GRM7: variants seen among roughly 807,000 people sequenced by gnomAD.
The protein encoded by GRM7 is glutamate metabotropic receptor 7, also known as metabotropic glutamate receptor 7.
A neutral mutation model predicts 84.5 loss-of-function variants in GRM7; 35 were observed. The ratio of observed to expected loss-of-function variants is 0.41; its 90% confidence interval spans 0.32 to 0.55. The LOEUF is 0.55. Among genes scored for constraint, GRM7 ranks in the 20% least tolerant of loss-of-function variants. The pLI is 0.19. For synonymous variants in GRM7, 487 were observed against 455.1 expected (o/e 1.07, Z -0.89); for missense variants, 1,003 against 1,194.6 (o/e 0.84, Z 2.36).
At chr3:7,103,347 G>C (rs1282680656) in intron 1 of GRM7, among the ~76,000 whole-genome samples, 4 of 151,728 alleles carry the variant, frequency 2.6e-5, no homozygotes, top group African/African-American at 9.7e-5. Flanking sequence ...TAATTTGGTA[G>C]GAGTCAGATT....
At position 6,911,991 on chromosome 3, in the gene GRM7, C is replaced by T. The variant is rs117813322; in HGVS notation, c.519+50084C>T. 4.7e-4 allele frequency among the ~76,000 whole-genome samples: 72 copies of T among 152,238 alleles called. No individual in the cohort carries two copies. The East Asian group carries it at 0.013, about 27-fold the overall frequency. On this transcript the variant is annotated intron_variant, in intron 1 of 9. Transcript: ENST00000357716. ...TTAAGTTGGCTTTGAAGATTGATTA[C>T]ACTTGGTTACTAAATAAGATCTCAG...
At chr3:7,139,275 G>A (rs1408488901) in intron 1 of GRM7, among the ~76,000 whole-genome samples, 2 of 151,492 alleles carry the variant, frequency 1.3e-5, no homozygotes, top group East Asian at 3.9e-4. Context: ...CAAAGATGCT[G>A]GAAATAGTTG....
chr3:7,707,180 T>G (rs1260774922), intron 9 of GRM7, among the ~76,000 whole-genome samples: 2 of 152,202 alleles, frequency 1.3e-5, no homozygotes, highest in African/African-American at 4.8e-5. Context: ...CGGCTTTCTC[T>G]ATCTTTCCTC....
At chr3:7,048,493 GA>G (rs1001365824) in intron 1 of GRM7, among the ~76,000 whole-genome samples, 29 of 144,830 alleles carry the variant, frequency 2.0e-4, no homozygotes, top group African/African-American at 5.3e-4. Flanking sequence ...CATGTTTAAA[GA>G]AAAAAAAAAG....
chr3:7,444,327 A>C (rs756668455), intron 5 of GRM7, among the ~76,000 whole-genome samples: 1 of 152,220 alleles, frequency 6.6e-6, no homozygotes, highest in Non-Finnish European at 1.5e-5. Context: ...CAATGATTCT[A>C]TGGCTTATAG....
chr3:7,241,956 C>A (rs972603091), intron 2 of GRM7, among the ~76,000 whole-genome samples: 1 of 152,120 alleles, frequency 6.6e-6, no homozygotes, highest in Non-Finnish European at 1.5e-5. Flanking sequence ...TTTTAAAAAT[C>A]TCCTGCTGAA....
At chr3:7,581,014 C>T (rs1043890726) in intron 8 of GRM7, among the ~76,000 whole-genome samples, 4 of 152,026 alleles carry the variant, frequency 2.6e-5, no homozygotes, top group Admixed American at 1.3e-4. Context: ...AACTCAATAC[C>T]TCATGCAACA....
chr3:6,938,670 C>T (rs1350430714), intron 1 of GRM7, among the ~76,000 whole-genome samples: 1 of 152,098 alleles, frequency 6.6e-6, no homozygotes, highest in Non-Finnish European at 1.5e-5. Flanking sequence ...TAGCAGGGCC[C>T]ATTCTCACAT....
rs1341386556 is a variant in GRM7 at position 7,486,016 on chromosome 3, A to G, written c.1515+24294A>G. 6.6e-6 allele frequency among the ~76,000 whole-genome samples: 1 copy of G among 152,218 alleles called. No individual in the cohort carries two copies. Among genetic ancestry groups the G allele is most frequent in the African/African-American group, 2.4e-5 (1 of 41,458 alleles). ...TAAGGGCACATATATAAACAAATACAGTAAATGTGTATTTATTTACATACC... is the reference window on the plus strand; with the variant it reads ...TAAGGGCACATATATAAACAAATACGGTAAATGTGTATTTATTTACATACC... On this transcript the variant is annotated intron_variant, in intron 7 of 9. Coordinates refer to ENST00000357716, the MANE Select transcript of GRM7 (RefSeq NM_000844.4). The surrounding 1 kb of genome is among the most constrained non-coding windows in gnomAD (Gnocchi z 5.5).
At position 7,146,630 on chromosome 3, in the gene GRM7, A is replaced by G; in HGVS notation, c.698A>G (p.Lys233Arg). The change falls in exon 2 of 10, where the codon AAA (lysine) becomes AGA (arginine). Residue 233 changes from lysine to arginine, a missense_variant. Lys to Arg is a conservative substitution (Grantham distance 26). Around this residue, in one of 2 missense-constraint regions of GRM7, gnomAD observed 910 missense variants for 1,126.0 expected, o/e 0.81. Coordinates refer to ENST00000357716, the MANE Select transcript of GRM7 (RefSeq NM_000844.4). ...GCATCGGAAGGAAGTTATGGAGAGA[A>G]AGGTGTGGAGTCCTTCACGCAGATT... Reference protein sequence around the residue: ...TLASEGSYGEKGVESFTQISK... With the variant: ...TLASEGSYGERGVESFTQISK... 3.1e-6 allele frequency: 5 copies of G among 1,613,852 alleles called. No homozygotes were observed. The highest frequency in any genetic ancestry group is 4.2e-6 in the Non-Finnish European group (5 of 1,179,888).
chr3:6,907,203 C>T (rs138692435), intron 1 of GRM7, among the ~76,000 whole-genome samples: 1 of 152,142 alleles, frequency 6.6e-6, no homozygotes, highest in African/African-American at 2.4e-5. Flanking sequence ...CTATGCTTGG[C>T]CTGTTTTTTA....
intron 5 of GRM7, among the ~76,000 whole-genome samples, chr3:7,437,797 A>G (rs557068595): frequency 6.6e-6 from 1 of 152,208 alleles, no homozygotes; most frequent in South Asian, 2.1e-4. Context: ...TGCATAGCCT[A>G]AGGCTAGGCT....
rs146594574 is a variant in GRM7 at position 6,938,655 on chromosome 3, C to T, written c.519+76748C>T. The stretch of plus-strand genomic sequence containing the variant: ...GAAAGGAGGGAGGTGAGGAGAGGGA[C>T]GTGTTAGCAGGGCCCATTCTCACAT... On this transcript the variant is annotated intron_variant, in intron 1 of 9. Coordinates refer to ENST00000357716, the MANE Select transcript of GRM7 (RefSeq NM_000844.4). 3.3e-5 allele frequency among the ~76,000 whole-genome samples: 5 copies of T among 152,206 alleles called. No individual in the cohort carries two copies. The South Asian group carries it at 6.2e-4, about 19-fold the overall frequency.
intron 1 of GRM7, chr3:6,892,850 T>G (rs893976522): frequency 1.3e-5 from 2 of 152,176 alleles, no homozygotes; most frequent in African/African-American, 2.4e-5. Context: ...GGAGATCAGC[T>G]TCTGTTGTGT....
chr3:7,262,053 G>A (rs1698449739), intron 2 of GRM7, among the ~76,000 whole-genome samples: 1 of 150,892 alleles, frequency 6.6e-6, no homozygotes, highest in Non-Finnish European at 1.5e-5. Flanking sequence ...AGTCTGATGG[G>A]CTTCCCTTTG....
rs527562675 is a variant in GRM7, at chr3:7,581,558, A to G, written c.2451+2201A>G. The stretch of plus-strand genomic sequence containing the variant: ...TATACATGAAACTATAGCATTTAAA[A>G]TGTGGAAAGTGGCCAATTATCAAAT... On this transcript the variant is annotated intron_variant, in intron 8 of 9. Transcript: ENST00000357716. 1.4e-4 allele frequency among the ~76,000 whole-genome samples: 22 copies of G among 152,328 alleles called. 1 individual carries two copies. The highest frequency in any genetic ancestry group is 1.4e-3 in the Admixed American group (22 of 15,290).
At chr3:7,336,619 G>C (rs557068736) in intron 4 of GRM7, among the ~76,000 whole-genome samples, 1 of 151,994 alleles carries the variant, frequency 6.6e-6, no homozygotes, top group Non-Finnish European at 1.5e-5. Flanking sequence ...GTTCACTGAT[G>C]ATATGATTGC....
At chr3:7,237,353 A>C (rs146553928) in intron 2 of GRM7, among the ~76,000 whole-genome samples, 174 of 152,206 alleles carry the variant, frequency 1.1e-3, no homozygotes, top group African/African-American at 3.7e-3. Flanking sequence ...ATTATTTTTT[A>C]TATCCCTTGC....
chr3:7,688,197 T>C (rs1214844304), intron 9 of GRM7, among the ~76,000 whole-genome samples: 1 of 152,124 alleles, frequency 6.6e-6, no homozygotes, highest in Non-Finnish European at 1.5e-5. Flanking sequence ...CAGATGAAAA[T>C]ATTTTAAGTC....
Sources: allele counts gnomAD v4.1 joint callset (sites outside exome capture counted in the v4.1 genomes callset), GRCh38; gene constraint gnomAD v4.1.1; regional missense constraint gnomAD v4.1.1; non-coding constraint Gnocchi (gnomAD v3.1); transcripts MANE v1.5; gene names NCBI Gene and HGNC (gene_info 2026-07-23, HGNC 2026-07-21).